Variants in GLT8D2 observed in about 807,000 individuals in gnomAD.
The protein encoded by GLT8D2 is glycosyltransferase 8 domain containing 2, also known as glycosyltransferase 8 domain-containing protein 2.
Under a neutral mutation model 44.5 loss-of-function variants are expected in GLT8D2, and 45 were observed. The observed-to-expected ratio is 1.01, with a 90% confidence interval of 0.80 to 1.30. The LOEUF (loss-of-function observed/expected upper bound fraction) is 1.30. Ranked by LOEUF, GLT8D2 falls within the 50% of genes most tolerant of loss-of-function variation. GLT8D2 has a pLI of 0.00. For missense variants in GLT8D2, 400 were observed against 430.4 expected (o/e 0.93, Z 0.62); for synonymous variants, 156 against 157.2 (o/e 0.99, Z 0.06).
chr12:104,045,941 G>A (rs868815699), intron 1 of GLT8D2, among the ~76,000 whole-genome samples: 30 of 117,214 alleles, frequency 2.6e-4, no homozygotes, highest in South Asian at 8.2e-4. Flanking sequence ...GAAAGAAAAA[G>A]AAAGAAAGAA....
At chr12:104,058,188 T>C (rs1193461100) in intron 1 of GLT8D2, among the ~76,000 whole-genome samples, 1 of 152,192 alleles carries the variant, frequency 6.6e-6, no homozygotes. Flanking sequence ...GGGACAAGTC[T>C]CCTGCAAGGG....
At position 104,014,976 on chromosome 12, in the gene GLT8D2, T is replaced by C. The variant is rs371303909; in HGVS notation, c.112+37A>G. 1.2e-5 allele frequency: 17 copies of C among 1,444,194 alleles called. No individual in the cohort carries two copies. The African/African-American group carries it at 2.1e-4, about 18-fold the overall frequency. 89.5% of individuals were successfully genotyped at this position (1,444,194 alleles called of 1,614,324 possible). On this transcript the variant is annotated intron_variant, in intron 4 of 10. Transcript: ENST00000360814. Reference sequence around the variant, plus strand: ...GAGGAACATATTCAAACCACATTCCTGGGTATCCCAACTCAATGAATTCCA... The same window carrying C: ...GAGGAACATATTCAAACCACATTCCCGGGTATCCCAACTCAATGAATTCCA...
chr12:104,015,048 T>G lies in GLT8D2; in HGVS notation c.77A>C (p.Lys26Thr). The G allele has an allele frequency of 6.2e-7, 1 of 1,613,902 alleles. No homozygotes were observed. Among genetic ancestry groups the G allele is most frequent in the South Asian group, 1.1e-5 (1 of 91,068 alleles). ...CTTGGGCACAGTCCCCTTATGAACT[T>G]TCTTATACAGAATCACACAGAGGGT... ...IVTLCVILYK[K>T]VHKGTVPKND... is the part of the protein sequence containing the mutation. The change falls in exon 4 of 11, where the codon AAA becomes ACA. Residue 26 changes from lysine (K) to threonine (T), a missense_variant. Transcript: ENST00000360814.
At chr12:104,057,098 T>C (rs919135373) in intron 1 of GLT8D2, among the ~76,000 whole-genome samples, 4 of 152,164 alleles carry the variant, frequency 2.6e-5, no homozygotes, top group Non-Finnish European at 5.9e-5. Flanking sequence ...AGAGACTTAG[T>C]AAAGGTAAAC....
chr12:104,031,476 T>C, intron 1 of GLT8D2: 2 of 1,613,376 alleles, frequency 1.2e-6, no homozygotes, highest in Non-Finnish European at 1.7e-6. Context: ...ATGCAGTTTC[T>C]GGGGGATGAG....
intron 4 of GLT8D2, among the ~76,000 whole-genome samples, chr12:104,004,782 A>G (rs1700782842): frequency 6.6e-6 from 1 of 152,228 alleles, no homozygotes; most frequent in Non-Finnish European, 1.5e-5. Context: ...GGAAGAATCA[A>G]TATCGTGAAA....
At chr12:104,040,218 C>T (rs1880382822) in intron 1 of GLT8D2, among the ~76,000 whole-genome samples, 1 of 152,160 alleles carries the variant, frequency 6.6e-6, no homozygotes. Flanking sequence ...ATGGGTGCAG[C>T]AAACTAACAT....
At chr12:103,999,269 T>C in intron 6 of GLT8D2, 128 bp downstream of exon 6, 1 of 622,478 alleles carries the variant, frequency 1.6e-6, no homozygotes, top group East Asian at 2.5e-5. Context: ...ATAAGCGGAG[T>C]TTGGTGGAGA....
chr12:104,006,976 T>C (rs1026286035), intron 4 of GLT8D2, among the ~76,000 whole-genome samples: 1 of 152,184 alleles, frequency 6.6e-6, no homozygotes, highest in Non-Finnish European at 1.5e-5. Flanking sequence ...TGGTTGTGAT[T>C]TTCCCTCTCC....
chr12:104,026,218 G>T (rs1310777210), intron 1 of GLT8D2, among the ~76,000 whole-genome samples: 2 of 151,016 alleles, frequency 1.3e-5, no homozygotes, highest in Non-Finnish European at 2.9e-5. Flanking sequence ...GAAGGGGGTT[G>T]CAGTGAGCCG....
At chr12:104,048,347 C>T (rs1881389416) in intron 1 of GLT8D2, among the ~76,000 whole-genome samples, 1 of 152,204 alleles carries the variant, frequency 6.6e-6, no homozygotes, top group Non-Finnish European at 1.5e-5. Context: ...TTCTCTACTA[C>T]AGGACTTCTC....
chr12:104,017,942 T>C (rs925017894), intron 3 of GLT8D2, among the ~76,000 whole-genome samples: 1 of 152,146 alleles, frequency 6.6e-6, no homozygotes, highest in Non-Finnish European at 1.5e-5. Flanking sequence ...TTACAAATGG[T>C]TATGCATCAT....
intron 10 of GLT8D2, among the ~76,000 whole-genome samples, chr12:103,991,682 A>T (rs187185655): frequency 6.6e-6 from 1 of 152,308 alleles, no homozygotes; most frequent in East Asian, 1.9e-4. Context: ...AAATCAAATC[A>T]GACACAACAC....
chr12:104,046,132 G>A (rs1881125806), intron 1 of GLT8D2, among the ~76,000 whole-genome samples: 1 of 152,136 alleles, frequency 6.6e-6, no homozygotes, highest in Admixed American at 6.6e-5. Context: ...GGAAATATGG[G>A]CTTTATCCTT....
chr12:103,989,273 A>G lies in GLT8D2; in HGVS notation c.*135T>C. The G allele has an allele frequency of 1.5e-6, 1 of 656,544 alleles. No homozygotes were observed. The allele number at this position is 656,544 out of a possible 1,614,324, so 40.7% of individuals were successfully genotyped here. ...CTATATGGTCCAAGGTATAATTTGC[A>G]CACAGTAGTTTTTGGTTTTTATATT... On this transcript the variant is annotated 3_prime_UTR_variant, in exon 11 of 11. Transcript: ENST00000360814.
chr12:104,042,972 C>T (rs1302380333), intron 1 of GLT8D2, among the ~76,000 whole-genome samples: 1 of 152,202 alleles, frequency 6.6e-6, no homozygotes, highest in Non-Finnish European at 1.5e-5. Flanking sequence ...CATCTTCTGG[C>T]TAACAAGGTC....
intron 10 of GLT8D2, among the ~76,000 whole-genome samples, chr12:103,990,292 A>AATTTTTTC (rs1872597059): frequency 6.6e-6 from 1 of 151,854 alleles, no homozygotes; most frequent in Non-Finnish European, 1.5e-5. Context: ...TCACCTCCTT[A>AATTTTTTC]ATGAAAAATG....
chr12:103,996,870 G>T, intron 7 of GLT8D2, 23 bp from the exon 8 acceptor site: 1 of 1,535,256 alleles, frequency 6.5e-7, no homozygotes, highest in Non-Finnish European at 9.0e-7. Context: ...ACACCACCAA[G>T]TAAAACATTA....
In GLT8D2 at chr12:104,007,265, T is replaced by TCTCTCTCTCC. The variant is rs377119502; in HGVS notation, c.113-3960_113-3959insGGAGAGAGAG. Among the ~76,000 whole-genome samples the TCTCTCTCTCC allele has an allele frequency of 6.6e-4, 90 of 136,326 alleles. 1 individual carries two copies. Among genetic ancestry groups the TCTCTCTCTCC allele is most frequent in the South Asian group, 1.0e-3 (4 of 3,986 alleles). The allele number at this position is 136,326 out of a possible 152,430, so 89.4% of individuals were successfully genotyped here. ...CTCTCTCTCTCTCTCTCTCTCTCTC[T>TCTCTCTCTCC]CCCCCCGCTCTCTCCACCTGCTCTC... On this transcript the variant is annotated intron_variant, in intron 4 of 10. Coordinates refer to ENST00000360814, the MANE Select transcript of GLT8D2 (RefSeq NM_001384711.1).
Sources: allele counts gnomAD v4.1 joint callset (sites outside exome capture counted in the v4.1 genomes callset), GRCh38; gene constraint gnomAD v4.1.1; transcripts MANE v1.5; gene names NCBI Gene and HGNC (gene_info 2026-07-23, HGNC 2026-07-21).